Variants in MACROD2 observed in about 807,000 individuals in gnomAD.
MACROD2 encodes the protein ADP-ribose glycohydrolase MACROD2.
In MACROD2, 36 loss-of-function variants were observed where a neutral mutation model predicts 70.4. The ratio of observed to expected loss-of-function variants is 0.51; its 90% CI spans 0.39 to 0.68. The LOEUF (loss-of-function observed/expected upper bound fraction) is 0.68, where lower values mean the gene tolerates loss of function less well. Among genes scored for constraint, MACROD2 ranks in the 30% least tolerant of loss-of-function variants. MACROD2 has a pLI of 0.00. For synonymous variants in MACROD2, 172 were observed against 178.8 expected (o/e 0.96, Z 0.30); for missense variants, 496 against 538.4 (o/e 0.92, Z 0.78).
intron 3 of MACROD2, among the ~76,000 whole-genome samples, chr20:14,254,057 A>G (rs893400437): frequency 6.6e-6 from 1 of 152,174 alleles, no homozygotes; most frequent in Non-Finnish European, 1.5e-5. Context: ...CATTAAAAAA[A>G]GATAGATATG....
chr20:14,002,481 C>A, intron 2 of MACROD2, 77 bp downstream of exon 2: 1 of 816,852 alleles, frequency 1.2e-6, no homozygotes, highest in Admixed American at 2.4e-5. Flanking sequence ...GAATAACTGG[C>A]GTTCAATAAA....
At chr20:14,710,404 G>A (rs1214419176) in intron 5 of MACROD2, among the ~76,000 whole-genome samples, 1 of 152,098 alleles carries the variant, frequency 6.6e-6, no homozygotes, top group Non-Finnish European at 1.5e-5. Context: ...GATTTAAATA[G>A]CATTTAAAAA....
intron 5 of MACROD2, among the ~76,000 whole-genome samples, chr20:15,075,867 A>G (rs1239226297): frequency 6.6e-6 from 1 of 152,164 alleles, no homozygotes; most frequent in East Asian, 1.9e-4. Flanking sequence ...TGAAGGATAA[A>G]GGGTGGGGGA....
intron 4 of MACROD2, among the ~76,000 whole-genome samples, chr20:14,631,474 A>G (rs949059903): frequency 1.3e-5 from 2 of 152,222 alleles, no homozygotes; most frequent in African/African-American, 2.4e-5. Flanking sequence ...GGATCTTTAA[A>G]TTTAAGAAAA....
chr20:14,172,511 G>A (rs1601310220), intron 3 of MACROD2, among the ~76,000 whole-genome samples: 1 of 152,126 alleles, frequency 6.6e-6, no homozygotes, highest in Admixed American at 6.5e-5. Context: ...TGCCATGTTG[G>A]CCAGGCAGGT....
intron 8 of MACROD2, among the ~76,000 whole-genome samples, chr20:15,603,535 A>G (rs2048853120): frequency 6.6e-6 from 1 of 151,810 alleles, no homozygotes; most frequent in African/African-American, 2.4e-5. Flanking sequence ...TATAAGGGAA[A>G]TAGCCATAAA....
intron 9 of MACROD2, among the ~76,000 whole-genome samples, chr20:15,872,009 A>G (rs1179847439): frequency 6.6e-6 from 1 of 152,192 alleles, no homozygotes; most frequent in Non-Finnish European, 1.5e-5. Flanking sequence ...AAGTCAGTAA[A>G]TTGACCAAAG....
At chr20:14,007,323 A>G (rs12480455) in intron 2 of MACROD2, among the ~76,000 whole-genome samples, 1 of 152,116 alleles carries the variant, frequency 6.6e-6, no homozygotes, top group Admixed American at 6.5e-5. Flanking sequence ...CAGGTGACCA[A>G]AGAGTCCTTT....
chr20:14,938,917 T>A (rs761184652), intron 5 of MACROD2, among the ~76,000 whole-genome samples: 2 of 151,436 alleles, frequency 1.3e-5, no homozygotes, highest in Non-Finnish European at 3.0e-5. Context: ...TCTATTCAGA[T>A]ATTTTTTTCA....
rs1407960895 is a variant in MACROD2 at position 15,935,445 on chromosome 20, C to T, written c.839-2031C>T. On this transcript the variant is annotated intron_variant, in intron 11 of 17. Coordinates refer to ENST00000684519, the MANE Select transcript of MACROD2 (RefSeq NM_001351661.2). Reference sequence around the variant, plus strand: ...CTCCCTAATCAGAGCTCAGAGAAATCGAAGATGTGGTTATGGGTCGTTAAA... The same window carrying T: ...CTCCCTAATCAGAGCTCAGAGAAATTGAAGATGTGGTTATGGGTCGTTAAA... 2.6e-5 allele frequency among the ~76,000 whole-genome samples: 4 copies of T among 152,136 alleles called. No individual in the cohort carries two copies. The East Asian group carries it at 5.8e-4, about 22-fold the overall frequency.
In MACROD2 at chr20:13,995,829, CT is replaced by C; in HGVS notation, c.46+21del. On this transcript the variant is annotated intron_variant, in intron 1 of 17. Coordinates refer to ENST00000684519, the MANE Select transcript of MACROD2 (RefSeq NM_001351661.2). This position sits in a 1 kb window ranked among gnomAD's most constrained non-coding sequence, Gnocchi z 4.3. The stretch of plus-strand genomic sequence containing the variant: ...AGAAAGGTAACCGGCCCGTCGAGTC[CT>C]GGGGGTGCGGGCGGTGGGGGTTAGG... 1 of 601,126 alleles carries C rather than the reference CT, an allele frequency of 1.7e-6. No homozygotes were observed. Among genetic ancestry groups the C allele is most frequent in the Non-Finnish European group, 2.9e-6 (1 of 339,574 alleles). 37.2% of individuals were successfully genotyped at this position (601,126 alleles called of 1,614,324 possible). A position where few individuals can be genotyped will look rare whatever the true frequency, so the allele number is the denominator to read the frequency against.
intron 16 of MACROD2, among the ~76,000 whole-genome samples, chr20:16,042,805 T>A (rs2067325246): frequency 6.6e-6 from 1 of 152,066 alleles, no homozygotes; most frequent in African/African-American, 2.4e-5. Context: ...AGTTCACACA[T>A]CATTAGAAAC....
chr20:14,317,890 CA>C (rs1601467987), intron 3 of MACROD2, among the ~76,000 whole-genome samples: 2 of 152,180 alleles, frequency 1.3e-5, no homozygotes, highest in African/African-American at 4.8e-5. Flanking sequence ...CTGGGCTTGA[CA>C]AAGTCTTCAA....
At chr20:15,283,086 C>G (rs965211438) in intron 6 of MACROD2, among the ~76,000 whole-genome samples, 1 of 152,158 alleles carries the variant, frequency 6.6e-6, no homozygotes. Context: ...AACTCACTCA[C>G]TATCACAAGA....
At position 15,876,133 on chromosome 20, in the gene MACROD2, A is replaced by G. The variant is rs1249903075; in HGVS notation, c.728-9631A>G. Among the ~76,000 whole-genome samples, 5 of 88,692 alleles carry G rather than the reference A, an allele frequency of 5.6e-5. No homozygotes were observed. The East Asian group carries it at 1.7e-3, about 30-fold the overall frequency. 58.2% of individuals were successfully genotyped at this position (88,692 alleles called of 152,430 possible). ...TATATGTGTGTATTTTTTTTATTAC[A>G]CTGTAAGTTCTAGGGTACATGTGCA... On this transcript the variant is annotated intron_variant, in intron 9 of 17. Transcript: ENST00000684519.
At chr20:14,725,279 G>T (rs1330454634) in intron 5 of MACROD2, among the ~76,000 whole-genome samples, 4 of 152,052 alleles carry the variant, frequency 2.6e-5, no homozygotes, top group African/African-American at 9.7e-5. Context: ...TGGAGTTAGG[G>T]GGCCAGTCAG....
chr20:15,313,276 G>C lies in MACROD2; in HGVS notation c.540+83215G>C, dbSNP rs1182139085. Among the ~76,000 whole-genome samples, 8 of 152,102 alleles carry C rather than the reference G, an allele frequency of 5.3e-5. No individual in the cohort carries two copies. The East Asian group carries it at 1.5e-3, about 29-fold the overall frequency. On this transcript the variant is annotated intron_variant, in intron 6 of 17. Coordinates refer to ENST00000684519, the MANE Select transcript of MACROD2 (RefSeq NM_001351661.2). Reference sequence around the variant, plus strand: ...AATCCCAGCACTTTGGGAGGCCGAGGCGGGTGGATCACGAGGTCAGGAGAT... The same window carrying C: ...AATCCCAGCACTTTGGGAGGCCGAGCCGGGTGGATCACGAGGTCAGGAGAT...
At chr20:14,778,222 C>T (rs944849065) in intron 5 of MACROD2, among the ~76,000 whole-genome samples, 1 of 152,120 alleles carries the variant, frequency 6.6e-6, no homozygotes, top group Non-Finnish European at 1.5e-5. Flanking sequence ...TATGATTTGG[C>T]AGTAAACAGC....
intron 8 of MACROD2, among the ~76,000 whole-genome samples, chr20:15,530,657 G>A (rs564813161): frequency 4.7e-4 from 71 of 150,034 alleles, no homozygotes; most frequent in African/African-American, 1.1e-3. Context: ...GCATGAACCC[G>A]GGAGCCGAGA....
Sources: gnomAD v4.1 joint callset for allele counts (sites outside exome capture counted in the v4.1 genomes callset) on GRCh38, gnomAD v4.1.1 for gene constraint, Gnocchi (gnomAD v3.1) non-coding constraint, MANE v1.5 for transcripts, NCBI Gene and HGNC (gene_info 2026-07-23, HGNC 2026-07-21) for gene names.